Variants in TMEM200A observed in about 807,000 individuals in gnomAD.
TMEM200A encodes two transmembrane C.
In TMEM200A, 12 loss-of-function variants were observed where a neutral mutation model predicts 24.3. That is an observed-to-expected ratio of 0.49 (90% CI 0.32 to 0.80). TMEM200A has a LOEUF of 0.80. Among genes scored for constraint, TMEM200A ranks in the 30% least tolerant of loss-of-function variants. The pLI is 0.04. For missense variants in TMEM200A, 545 were observed against 614.4 expected (o/e 0.89, Z 1.19); for synonymous variants, 224 against 224.4 (o/e 1.00, Z 0.02).
At chr6:130,410,843 T>C (rs1779313083) in intron 2 of TMEM200A, among the ~76,000 whole-genome samples, 1 of 152,208 alleles carries the variant, frequency 6.6e-6, no homozygotes, top group East Asian at 1.9e-4. Context: ...ACTTGGCTAT[T>C]GTAGGGAGAC....
intron 2 of TMEM200A, among the ~76,000 whole-genome samples, chr6:130,412,846 T>A (rs1779363603): frequency 6.6e-6 from 1 of 152,238 alleles, no homozygotes; most frequent in South Asian, 2.1e-4. Context: ...GAACACATAA[T>A]TGAAGAGAAA....
chr6:130,376,288 T>C (rs1778454509), intron 1 of TMEM200A, among the ~76,000 whole-genome samples: 2 of 152,234 alleles, frequency 1.3e-5, no homozygotes, highest in South Asian at 4.1e-4. Flanking sequence ...AATTATTTTT[T>C]GAGAGAGGGT....
intron 2 of TMEM200A, among the ~76,000 whole-genome samples, chr6:130,396,033 C>G (rs1583192212): frequency 6.6e-6 from 1 of 152,156 alleles, no homozygotes; most frequent in South Asian, 2.1e-4. Flanking sequence ...AAAGAACAGT[C>G]TTAGACATAC....
chr6:130,426,555 G>T (rs559644980), intron 2 of TMEM200A, among the ~76,000 whole-genome samples: 1 of 151,078 alleles, frequency 6.6e-6, no homozygotes, highest in Non-Finnish European at 1.5e-5. Context: ...TTCTGAAGTC[G>T]CAGGATATTC....
chr6:130,384,011 T>C (rs1056287891), intron 1 of TMEM200A, among the ~76,000 whole-genome samples: 4 of 151,950 alleles, frequency 2.6e-5, no homozygotes, highest in Non-Finnish European at 4.4e-5. Flanking sequence ...TCCCAACTAC[T>C]TGGGTGGCTG....
chr6:130,382,223 A>G (rs1228606876), intron 1 of TMEM200A, among the ~76,000 whole-genome samples: 1 of 152,250 alleles, frequency 6.6e-6, no homozygotes, highest in Non-Finnish European at 1.5e-5. Context: ...GGGGGGCAGT[A>G]TGAAAGGCCA....
Position 130,441,727 on chromosome 6 carries a change from C to A in TMEM200A, c.1305C>A (p.Asn435Lys). ...GCAAGGGATATATGAAACTAGAGAA[C>A]AAAGAAGACCCGATGGATAGGTTGC... ...NNSKGYMKLE[N>K]KEDPMDRLLV... Residue 435 changes from asparagine (N) to lysine (K), a missense_variant, in exon 3 of 3, where the codon AAC (asparagine) becomes AAA (lysine). Coordinates refer to ENST00000296978, the MANE Select transcript of TMEM200A (RefSeq NM_001258277.2). 6.2e-7 allele frequency: 1 copy of A among 1,614,026 alleles called. No homozygotes were observed. Among genetic ancestry groups the A allele is most frequent in the Non-Finnish European group, 8.5e-7 (1 of 1,179,980 alleles).
chr6:130,404,272 G>A (rs1779156188), intron 2 of TMEM200A, among the ~76,000 whole-genome samples: 1 of 152,232 alleles, frequency 6.6e-6, no homozygotes, highest in Non-Finnish European at 1.5e-5. Context: ...CACAGAGGAT[G>A]AACTAATTTA....
At chr6:130,365,974 G>C (rs968804736), upstream of TMEM200A, 2 of 981,652 alleles carry the variant, frequency 2.0e-6, no homozygotes, top group African/African-American at 3.6e-5. Flanking sequence ...CCCCCAACCC[G>C]CCTCTTCGGG....
intron 2 of TMEM200A, among the ~76,000 whole-genome samples, chr6:130,436,662 T>TTTTTTTTTTTTTTC (rs1408022765): frequency 1.6e-5 from 2 of 128,286 alleles, no homozygotes; most frequent in East Asian, 4.6e-4. Flanking sequence ...TTTTTTTTTT[T>TTTTTTTTTTTTTTC]CAGAGAGACA....
intron 2 of TMEM200A, among the ~76,000 whole-genome samples, chr6:130,429,164 A>T (rs80051097): frequency 0.017 from 2,514 of 152,318 alleles, 67 homozygotes; most frequent in African/African-American, 0.053. Context: ...ATTTAAAAAA[A>T]TCAAATTATA....
intron 2 of TMEM200A, among the ~76,000 whole-genome samples, chr6:130,391,583 A>G (rs1417219943): frequency 6.6e-6 from 1 of 152,116 alleles, no homozygotes; most frequent in Non-Finnish European, 1.5e-5. Context: ...CCCCAAATAT[A>G]TTATCTCTAG....
At position 130,441,559 on chromosome 6, in the gene TMEM200A, A is replaced by G. The variant is rs774804582; in HGVS notation, c.1137A>G (p.Arg379=). 3.7e-6 allele frequency: 6 copies of G among 1,614,040 alleles called. No individual in the cohort carries two copies. The highest frequency in any genetic ancestry group is 5.1e-6 in the Non-Finnish European group (6 of 1,179,978). The change falls in exon 3 of 3, where the codon AGA becomes AGG. Residue 379 remains arginine, a synonymous_variant. Transcript: ENST00000296978. ...AGQLLSPGAA[R]RQFGSNTSLH... ...AGCTCTTGTCTCCTGGGGCTGCCAGAAGACAGTTTGGGTCCAATACATCCT... is the reference window on the plus strand; with the variant it reads ...AGCTCTTGTCTCCTGGGGCTGCCAGGAGACAGTTTGGGTCCAATACATCCT...
chr6:130,420,708 G>A (rs1348422006), intron 2 of TMEM200A, among the ~76,000 whole-genome samples: 2 of 152,124 alleles, frequency 1.3e-5, no homozygotes, highest in Non-Finnish European at 2.9e-5. Context: ...TCCCAGCAAT[G>A]TCTTCAAGTA....
rs1032893688 is a variant in TMEM200A at position 130,441,483 on chromosome 6, C to T, written c.1061C>T (p.Ser354Leu). 23 of 1,613,904 alleles carry T rather than the reference C, an allele frequency of 1.4e-5. No homozygotes were observed. In the African/African-American group the frequency reaches 2.5e-4, roughly 18 times the overall value. Residue 354 changes from serine to leucine, a missense_variant, in exon 3 of 3, where the codon TCG becomes TTG. Transcript: ENST00000296978. The part of the protein sequence containing the change: ...VLPRNNSIGE[S>L]LSSQYKSSMA... ...CCAAGGAATAATTCCATTGGGGAGTCGTTGTCGAGTCAGTACAAGTCATCT... is the reference window on the plus strand; with the variant it reads ...CCAAGGAATAATTCCATTGGGGAGTTGTTGTCGAGTCAGTACAAGTCATCT...
In TMEM200A at chr6:130,366,569, G is replaced by A; in HGVS notation, c.-81+45G>A. The A allele has an allele frequency of 1.0e-6, 1 of 985,708 alleles. No individual in the cohort carries two copies. Among genetic ancestry groups the A allele is most frequent in the African/African-American group, 1.7e-5 (1 of 57,348 alleles). The allele number at this position is 985,708 out of a possible 1,614,324, so 61.1% of individuals were successfully genotyped here. ...GCTGACGGGAGTGGGGAGGTGGGTGGGCGGCCACCGCAGCCGAAACCGGGC... is the reference window on the plus strand; with the variant it reads ...GCTGACGGGAGTGGGGAGGTGGGTGAGCGGCCACCGCAGCCGAAACCGGGC... On this transcript the variant is annotated intron_variant, in intron 1 of 2. Transcript: ENST00000296978. The surrounding 1 kb of genome is among the most constrained non-coding windows in gnomAD (Gnocchi z 4.4).
chr6:130,399,929 T>C (rs1429913408), intron 2 of TMEM200A, among the ~76,000 whole-genome samples: 1 of 152,142 alleles, frequency 6.6e-6, no homozygotes, highest in South Asian at 2.1e-4. Context: ...AGTGAGAACA[T>C]ACAATGTTTG....
intron 2 of TMEM200A, among the ~76,000 whole-genome samples, chr6:130,395,759 A>G (rs1443448718): frequency 1.3e-5 from 2 of 152,244 alleles, no homozygotes; most frequent in African/African-American, 4.8e-5. Context: ...TGCGTTATGT[A>G]TCCAAGAAGA....
intron 2 of TMEM200A, among the ~76,000 whole-genome samples, chr6:130,394,062 T>C (rs1778895640): frequency 1.3e-5 from 2 of 152,174 alleles, no homozygotes; most frequent in South Asian, 4.1e-4. Context: ...ATCACATCCC[T>C]AGTTGTATTT....
Sources: allele counts gnomAD v4.1 joint callset (sites outside exome capture counted in the v4.1 genomes callset), GRCh38; gene constraint gnomAD v4.1.1; non-coding constraint Gnocchi (gnomAD v3.1); transcripts MANE v1.5; gene names NCBI Gene and HGNC (gene_info 2026-07-23, HGNC 2026-07-21).